Variants in TBC1D19 observed in about 807,000 individuals in gnomAD.
The protein encoded by TBC1D19 is TBC1 domain family member 19.
In TBC1D19, 60 loss-of-function variants were observed where a neutral mutation model predicts 89.0. The observed-to-expected ratio is 0.67, with a 90% CI of 0.55 to 0.84. TBC1D19 has a LOEUF of 0.84. TBC1D19 is among the 40% of genes least tolerant of loss of function. The pLI is 0.00. For missense variants in TBC1D19, 500 were observed against 610.8 expected (o/e 0.82, Z 1.91); for synonymous variants, 189 against 199.7 (o/e 0.95, Z 0.45).
At chr4:26,619,385 T>TACTA (rs1741893227) in intron 3 of TBC1D19, among the ~76,000 whole-genome samples, 1 of 152,076 alleles carries the variant, frequency 6.6e-6, no homozygotes, top group Non-Finnish European at 1.5e-5. Context: ...TTTTGTATTT[T>TACTA]TAGTAGAGAC....
the TBC1D19 span, among the ~76,000 whole-genome samples, chr4:26,849,751 T>G: frequency 1.3e-5 from 2 of 152,338 alleles, no homozygotes; most frequent in African/African-American, 4.8e-5. Flanking sequence ...GATCCTCTTG[T>G]TGTTGGGTGA....
intron 4 of TBC1D19, among the ~76,000 whole-genome samples, chr4:26,627,799 T>C (rs1411294166): frequency 1.3e-5 from 2 of 152,196 alleles, no homozygotes; most frequent in African/African-American, 4.8e-5. Flanking sequence ...CTTTGTCAGA[T>C]GAGTAGGTTG....
the TBC1D19 span, among the ~76,000 whole-genome samples, chr4:26,853,633 G>A: frequency 1.1e-4 from 16 of 152,136 alleles, no homozygotes; most frequent in South Asian, 4.1e-4. Flanking sequence ...TGCCTCCCAG[G>A]TTCAAGCCGT....
At chr4:26,843,038 T>G in the TBC1D19 span, among the ~76,000 whole-genome samples, 2 of 152,208 alleles carry the variant, frequency 1.3e-5, no homozygotes, top group African/African-American at 4.8e-5. Context: ...GCAGCATGCA[T>G]GATACGTTTC....
intron 1 of TBC1D19, among the ~76,000 whole-genome samples, 165 bp from the exon 2 acceptor site, chr4:26,613,004 T>C (rs547386067): frequency 6.6e-6 from 1 of 152,158 alleles, no homozygotes; most frequent in African/African-American, 2.4e-5. Context: ...TAAGCTATTC[T>C]AGATAGTTCT....
intron 1 of TBC1D19, among the ~76,000 whole-genome samples, chr4:26,609,721 C>T (rs1168021615): frequency 6.6e-6 from 1 of 152,096 alleles, no homozygotes; most frequent in Non-Finnish European, 1.5e-5. Flanking sequence ...CTTGTGTAAG[C>T]TGTGAAGTGC....
chr4:26,591,859 C>G (rs1485687045), intron 1 of TBC1D19, among the ~76,000 whole-genome samples: 2 of 152,114 alleles, frequency 1.3e-5, no homozygotes, highest in Non-Finnish European at 2.9e-5. Context: ...GCTTACCAAC[C>G]AAAAATAGTC....
At chr4:26,752,268 G>T in intron 19 of TBC1D19, among the ~76,000 whole-genome samples, 1 of 132,198 alleles carries the variant, frequency 7.6e-6, no homozygotes, top group Non-Finnish European at 1.6e-5. Context: ...TTTTTGAGAC[G>T]AGGTCTTGCT....
rs77136056 is a variant in TBC1D19 at position 26,754,587 on chromosome 4, T to C, written c.1507-286T>C. On this transcript the variant is annotated intron_variant, in intron 20 of 20. Coordinates refer to ENST00000264866, the MANE Select transcript of TBC1D19 (RefSeq NM_018317.4). Reference sequence around the variant, plus strand: ...AGGATTCATAATGTATGCTTATTTATAGAAGCAAGTTGAAATGTTAAACCT... The same window carrying C: ...AGGATTCATAATGTATGCTTATTTACAGAAGCAAGTTGAAATGTTAAACCT... 3.2e-4 allele frequency among the ~76,000 whole-genome samples: 49 copies of C among 152,340 alleles called. 1 individual carries two copies. In the East Asian group the frequency reaches 8.9e-3, roughly 28 times the overall value.
At chr4:26,630,326 T>C (rs910933407) in intron 4 of TBC1D19, among the ~76,000 whole-genome samples, 1 of 152,172 alleles carries the variant, frequency 6.6e-6, no homozygotes, top group African/African-American at 2.4e-5. Context: ...AAAAGGTAGA[T>C]GTCTTCCTAT....
the TBC1D19 span, among the ~76,000 whole-genome samples, chr4:26,795,446 C>T: frequency 6.6e-6 from 1 of 152,166 alleles, no homozygotes; most frequent in African/African-American, 2.4e-5. Context: ...GTCTATCTGC[C>T]TTCACTCTAA....
chr4:26,701,585 T>C (rs1205468950), intron 13 of TBC1D19, among the ~76,000 whole-genome samples: 1 of 152,204 alleles, frequency 6.6e-6, no homozygotes, highest in Non-Finnish European at 1.5e-5. Flanking sequence ...GAAGCTTTCT[T>C]CTTTTATCTA....
chr4:26,840,981 T>C, the TBC1D19 span, among the ~76,000 whole-genome samples: 3 of 152,044 alleles, frequency 2.0e-5, no homozygotes, highest in African/African-American at 7.2e-5. Flanking sequence ...GCCATTATCC[T>C]CCACCCTGGC....
intron 13 of TBC1D19, among the ~76,000 whole-genome samples, chr4:26,690,109 A>G (rs1483027198): frequency 1.3e-5 from 2 of 152,230 alleles, no homozygotes; most frequent in Non-Finnish European, 2.9e-5. Flanking sequence ...AGTAGTCTGA[A>G]TAGAAGATCA....
At chr4:26,851,315 A>ATCTATCTG in the TBC1D19 span, among the ~76,000 whole-genome samples, 3 of 143,314 alleles carry the variant, frequency 2.1e-5, no homozygotes, top group Admixed American at 7.3e-5. Context: ...CTATCTATCT[A>ATCTATCTG]TCTATCTATC....
intron 13 of TBC1D19, among the ~76,000 whole-genome samples, chr4:26,711,705 T>C (rs1438637314): frequency 1.3e-5 from 2 of 152,104 alleles, no homozygotes; most frequent in African/African-American, 2.4e-5. Context: ...TTTTACTTAA[T>C]TGGTAATTAA....
At chr4:26,635,468 A>G (rs190803860) in intron 4 of TBC1D19, among the ~76,000 whole-genome samples, 259 of 152,184 alleles carry the variant, frequency 1.7e-3, no homozygotes, top group African/African-American at 6.1e-3. Context: ...CAATAAATAG[A>G]GTTAATTTGG....
At chr4:26,849,542 C>T in the TBC1D19 span, among the ~76,000 whole-genome samples, 1 of 152,172 alleles carries the variant, frequency 6.6e-6, no homozygotes, top group African/African-American at 2.4e-5. Context: ...CTGATTATCA[C>T]ATTTTTACTG....
At chr4:26,813,643 A>C in the TBC1D19 span, among the ~76,000 whole-genome samples, 1 of 152,194 alleles carries the variant, frequency 6.6e-6, no homozygotes, top group South Asian at 2.1e-4. Context: ...CTGTGGGCTG[A>C]CCCTGTACAA....
Sources: gnomAD v4.1 joint callset for allele counts (sites outside exome capture counted in the v4.1 genomes callset) on GRCh38, gnomAD v4.1.1 for gene constraint, MANE v1.5 for transcripts, NCBI Gene and HGNC (gene_info 2026-07-23, HGNC 2026-07-21) for gene names.